TBC1D1: variants seen among roughly 807,000 people sequenced by gnomAD.
The protein encoded by TBC1D1 is TBC1 domain family member 1, also known as TBC1 (tre-2/USP6, BUB2, cdc16) domain family, member 1.
In TBC1D1, 89 loss-of-function variants were observed where a neutral mutation model predicts 125.6. That is an observed-to-expected ratio of 0.71 (90% CI 0.60 to 0.85). The LOEUF (loss-of-function observed/expected upper bound fraction) is 0.85. TBC1D1 is among the 40% of genes least tolerant of loss of function. The pLI is 0.00. For synonymous variants in TBC1D1, 565 were observed against 564.1 expected (o/e 1.00, Z -0.02); for missense variants, 1,377 against 1,469.2 (o/e 0.94, Z 1.03).
chr4:37,975,943 C>T (rs6531598), intron 2 of TBC1D1, among the ~76,000 whole-genome samples: 16,310 of 152,066 alleles, frequency 0.11, 1,102 homozygotes, highest in East Asian at 0.31. Flanking sequence ...GGTGGCTTGC[C>T]GCCCACAATC....
intron 2 of TBC1D1, chr4:37,951,987 G>A (rs1265389595): frequency 1.4e-6 from 1 of 717,400 alleles, no homozygotes; most frequent in Non-Finnish European, 2.6e-6. Flanking sequence ...CTATGTATAA[G>A]CCTTTCCCTG....
At chr4:38,076,820 A>G (rs1755678862) in intron 12 of TBC1D1, among the ~76,000 whole-genome samples, 1 of 152,144 alleles carries the variant, frequency 6.6e-6, no homozygotes, top group African/African-American at 2.4e-5. Context: ...CAGCCAGCCA[A>G]CATACCTAAA....
rs148084403 is a variant in TBC1D1, at chr4:38,012,124, C to T, written c.418-2385C>T. 5.2e-3 allele frequency among the ~76,000 whole-genome samples: 791 copies of T among 152,290 alleles called. 3 individuals are homozygous for T. Among genetic ancestry groups the T allele is most frequent in the African/African-American group, 0.016 (673 of 41,576 alleles). On this transcript the variant is annotated intron_variant, in intron 2 of 19. Transcript: ENST00000261439. Reference sequence around the variant, plus strand: ...TGGGGTTAGTAATTGGGAAGACTCACGTGACTTGATAAAATAATCTTACAC... The same window carrying T: ...TGGGGTTAGTAATTGGGAAGACTCATGTGACTTGATAAAATAATCTTACAC...
intron 2 of TBC1D1, among the ~76,000 whole-genome samples, chr4:37,927,802 CG>C (rs1722426924): frequency 1.3e-5 from 2 of 152,248 alleles, no homozygotes; most frequent in Admixed American, 1.3e-4. Context: ...GAGGCTGACG[CG>C]GGAGGATCAC....
intron 2 of TBC1D1, among the ~76,000 whole-genome samples, chr4:37,954,986 A>T (rs1728655310): frequency 7.5e-6 from 1 of 133,224 alleles, no homozygotes; most frequent in Non-Finnish European, 1.5e-5. Context: ...AGATTTTTTT[A>T]AAACCTATGT....
chr4:37,891,201 G>A lies in TBC1D1; in HGVS notation c.-241G>A, dbSNP rs1197523582. 6.5e-6 allele frequency: 1 copy of A among 152,876 alleles called. No individual in the cohort carries two copies. Among genetic ancestry groups the A allele is most frequent in the Non-Finnish European group, 1.5e-5 (1 of 68,582 alleles). The allele number at this position is 152,876 out of a possible 1,614,324, so 9.5% of individuals were successfully genotyped here. On this transcript the variant is annotated 5_prime_UTR_variant, in exon 1 of 20. Coordinates refer to ENST00000261439, the MANE Select transcript of TBC1D1 (RefSeq NM_015173.4). ...GAGAAGAGGCGGGCGCCGAGCCGAG[G>A]GGAGCCCCCTCCCCGTCCCCCCGCG...
intron 12 of TBC1D1, among the ~76,000 whole-genome samples, chr4:38,088,540 A>G (rs150049950): frequency 6.6e-6 from 1 of 152,228 alleles, no homozygotes; most frequent in Non-Finnish European, 1.5e-5. Flanking sequence ...CTTGTCAACA[A>G]GGCAGCAAGG....
At chr4:38,054,433 C>T (rs1460027972) in intron 12 of TBC1D1, 95 bp downstream of exon 14, 5 of 1,524,636 alleles carry the variant, frequency 3.3e-6, no homozygotes, top group Non-Finnish European at 4.5e-6. Context: ...GAGCGCCGTC[C>T]TCTTCAGTAT....
chr4:37,994,614 A>G (rs940939161), intron 2 of TBC1D1, among the ~76,000 whole-genome samples: 2 of 148,516 alleles, frequency 1.3e-5, no homozygotes, highest in Non-Finnish European at 3.0e-5. Flanking sequence ...ACCCAAGCCA[A>G]AGGCATTTTT....
intron 12 of TBC1D1, among the ~76,000 whole-genome samples, chr4:38,082,721 C>T (rs1018251979): frequency 6.6e-6 from 1 of 152,216 alleles, no homozygotes; most frequent in Non-Finnish European, 1.5e-5. Context: ...TCTTGGTGCT[C>T]TGTGCCCTGG....
chr4:38,028,283 A>G (rs1243695207), intron 7 of TBC1D1, among the ~76,000 whole-genome samples: 1 of 152,180 alleles, frequency 6.6e-6, no homozygotes, highest in Non-Finnish European at 1.5e-5. Flanking sequence ...CTTCTGCCTC[A>G]GCTTCCTGAG....
intron 2 of TBC1D1, among the ~76,000 whole-genome samples, chr4:37,981,627 A>G (rs1398951658): frequency 6.6e-5 from 10 of 152,184 alleles, no homozygotes; most frequent in Non-Finnish European, 1.2e-4. Flanking sequence ...AGGGCAGGAA[A>G]CATGCTCCAG....
intron 8 of TBC1D1, among the ~76,000 whole-genome samples, chr4:38,038,618 A>G (rs1367133142): frequency 6.6e-6 from 1 of 152,178 alleles, no homozygotes; most frequent in Non-Finnish European, 1.5e-5. Flanking sequence ...CACTGCTGCT[A>G]CATTCAGGTA....
intron 12 of TBC1D1, among the ~76,000 whole-genome samples, chr4:38,082,233 C>T (rs774436184): frequency 2.0e-5 from 3 of 152,130 alleles, no homozygotes; most frequent in East Asian, 3.9e-4. Context: ...TGGCGAAGGT[C>T]GCCACTGTGA....
chr4:38,108,999 A>G (rs754886), intron 15 of TBC1D1, among the ~76,000 whole-genome samples: 102,234 of 152,104 alleles, frequency 0.67, 34,875 homozygotes, highest in African/African-American at 0.78. Context: ...AGCATCGTGC[A>G]CTTTGAGGGG....
intron 8 of TBC1D1, among the ~76,000 whole-genome samples, chr4:38,039,043 A>C (rs959862759): frequency 1.6e-5 from 2 of 124,462 alleles, no homozygotes; most frequent in African/African-American, 5.7e-5. Flanking sequence ...CACTGTTTTG[A>C]TTTTTTTCAC....
intron 1 of TBC1D1, among the ~76,000 whole-genome samples, chr4:37,900,031 G>A (rs890648119): frequency 7.2e-5 from 11 of 151,798 alleles, no homozygotes; most frequent in Non-Finnish European, 1.2e-4. Flanking sequence ...TGACGCGGGA[G>A]AATGGCGCGA....
rs1733258794 is a variant in TBC1D1 at position 37,977,145 on chromosome 4, TGGGCATCTCGGAAGG to T, written c.418-37359_418-37345del. 6.6e-6 allele frequency among the ~76,000 whole-genome samples: 1 copy of T among 152,084 alleles called. No individual in the cohort carries two copies. Among genetic ancestry groups the T allele is most frequent in the South Asian group, 2.1e-4 (1 of 4,826 alleles). On this transcript the variant is annotated intron_variant, in intron 2 of 19. Transcript: ENST00000261439. The surrounding 1 kb of genome is among the most constrained non-coding windows in gnomAD (Gnocchi z 4.3). ...GCCTCCAGGGTTTCCTGCGCAGCCCTGGGCATCTCGGAAGGGGGCGACCCCAGCATGTCCCAACTT... is the reference window on the plus strand; with the variant it reads ...GCCTCCAGGGTTTCCTGCGCAGCCCTGGGCGACCCCAGCATGTCCCAACTT...
At chr4:38,031,682 C>G (rs1438848919) in intron 7 of TBC1D1, among the ~76,000 whole-genome samples, 1 of 152,006 alleles carries the variant, frequency 6.6e-6, no homozygotes, top group Non-Finnish European at 1.5e-5. Flanking sequence ...AGTGGTTATT[C>G]TAGGGTGTGA....
Sources: allele counts gnomAD v4.1 joint callset (sites outside exome capture counted in the v4.1 genomes callset), GRCh38; gene constraint gnomAD v4.1.1; non-coding constraint Gnocchi (gnomAD v3.1); transcripts MANE v1.5; gene names NCBI Gene and HGNC (gene_info 2026-07-23, HGNC 2026-07-21).